The following TENM3 variants were observed in gnomAD, a reference collection of about 807,000 sequenced individuals.
TENM3 encodes the protein teneurin transmembrane protein 3.
Under a neutral mutation model 255.1 loss-of-function variants are expected in TENM3, and 63 were observed. That is an observed-to-expected ratio of 0.25 (90% CI 0.20 to 0.30). The LOEUF (loss-of-function observed/expected upper bound fraction) is 0.30. Among genes scored for constraint, TENM3 ranks in the 10% least tolerant of loss-of-function variants. The pLI is 1.00. For missense variants in TENM3, 2,929 were observed against 3,461.1 expected, an observed-to-expected ratio of 0.85 and a Z score of 3.86; for synonymous variants, 1,306 against 1,322.3, an observed-to-expected ratio of 0.99 and a Z score of 0.27.
intron 3 of TENM3, among the ~76,000 whole-genome samples, chr4:182,453,082 A>C (rs1304256612): frequency 3.9e-5 from 6 of 152,090 alleles, no homozygotes; most frequent in Admixed American, 2.6e-4. Context: ...TGGTATTTTC[A>C]TATTTAAGAA....
chr4:181,668,720 G>A, the TENM3 span, among the ~76,000 whole-genome samples: 1 of 152,068 alleles, frequency 6.6e-6, no homozygotes, highest in Non-Finnish European at 1.5e-5. Flanking sequence ...CTAAGGTGCT[G>A]GGGGTTAGAA....
chr4:182,518,759 A>C (rs1285022150), intron 3 of TENM3, among the ~76,000 whole-genome samples: 2 of 152,254 alleles, frequency 1.3e-5, no homozygotes, highest in African/African-American at 2.4e-5. Context: ...TGACCCCTGC[A>C]AACTGTAAGA....
intron 3 of TENM3, among the ~76,000 whole-genome samples, chr4:182,458,504 T>C (rs1278637360): frequency 6.6e-6 from 1 of 152,196 alleles, no homozygotes. Context: ...CGCTGGACTT[T>C]TCTGGATTGC....
the TENM3 span, among the ~76,000 whole-genome samples, chr4:181,858,850 G>T: frequency 1.3e-5 from 2 of 152,132 alleles, no homozygotes; most frequent in Admixed American, 6.5e-5. Flanking sequence ...TTGTACAGGG[G>T]GCTTAATGCC....
the TENM3 span, among the ~76,000 whole-genome samples, chr4:181,756,823 C>T: frequency 6.6e-6 from 1 of 152,200 alleles, no homozygotes; most frequent in Non-Finnish European, 1.5e-5. Context: ...CTGCCTAGCT[C>T]CTTCTGTGCC....
At chr4:181,924,197 A>G in the TENM3 span, among the ~76,000 whole-genome samples, 2 of 152,150 alleles carry the variant, frequency 1.3e-5, no homozygotes, top group East Asian at 3.9e-4. Flanking sequence ...TTACCTGGCT[A>G]CAGGCAAACC....
chr4:181,547,695 A>C, the TENM3 span, among the ~76,000 whole-genome samples: 13 of 152,196 alleles, frequency 8.5e-5, no homozygotes, highest in African/African-American at 2.9e-4. Context: ...AGAAAATGAA[A>C]CAATGCCTTA....
chr4:182,144,633 G>T (rs1749773619), upstream of TENM3: 1 of 147,520 alleles, frequency 6.8e-6, no homozygotes, highest in Non-Finnish European at 1.5e-5. Context: ...CTCCCTCGGC[G>T]GGGCCCCCCT....
At chr4:182,586,344 C>T (rs1406040640) in intron 3 of TENM3, among the ~76,000 whole-genome samples, 1 of 152,176 alleles carries the variant, frequency 6.6e-6, no homozygotes, top group African/African-American at 2.4e-5. Context: ...TTGCCATTCA[C>T]GGGGCATTGT....
the TENM3 span, among the ~76,000 whole-genome samples, chr4:182,076,837 A>T: frequency 6.6e-6 from 1 of 152,204 alleles, no homozygotes; most frequent in Non-Finnish European, 1.5e-5. Context: ...GCACATAGGC[A>T]CGGCCATGTT....
chr4:182,772,501 T>C (rs1764326800), intron 22 of TENM3: 1 of 152,094 alleles, frequency 6.6e-6, no homozygotes, highest in East Asian at 1.9e-4. Context: ...ATCCACCCTT[T>C]AGTATATTGT....
chr4:181,787,906 CG>C, the TENM3 span, among the ~76,000 whole-genome samples: 1 of 152,048 alleles, frequency 6.6e-6, no homozygotes, highest in Non-Finnish European at 1.5e-5. Context: ...GAGACTGAGG[CG>C]GAACTTGAGC....
At chr4:182,603,765 T>TTTTATATATATATATATATATATA (rs778280837) in intron 4 of TENM3, among the ~76,000 whole-genome samples, 8 of 95,574 alleles carry the variant, frequency 8.4e-5, no homozygotes, top group Admixed American at 2.9e-4. Flanking sequence ...TGGCAATTAT[T>TTTTATATATATATATATATATATA]TATATATATA....
the TENM3 span, among the ~76,000 whole-genome samples, chr4:182,034,012 G>A: frequency 6.6e-6 from 1 of 152,172 alleles, no homozygotes; most frequent in African/African-American, 2.4e-5. Flanking sequence ...TTAAAGGAAA[G>A]AGGTCAAATG....
the TENM3 span, among the ~76,000 whole-genome samples, chr4:181,501,666 A>C: frequency 0.016 from 2,464 of 152,232 alleles, 70 homozygotes; most frequent in African/African-American, 0.056. Context: ...GCGTGAGCCA[A>C]CACGCCCAGC....
intron 11 of TENM3, among the ~76,000 whole-genome samples, chr4:182,682,552 T>G: frequency 6.6e-6 from 1 of 152,224 alleles, no homozygotes. Flanking sequence ...TATTGAGCAC[T>G]TACTATGTGC....
intron 3 of TENM3, among the ~76,000 whole-genome samples, chr4:182,408,557 G>A (rs1769745910): frequency 6.6e-6 from 1 of 152,282 alleles, no homozygotes; most frequent in African/African-American, 2.4e-5. Context: ...GCATGGTAAA[G>A]GTGGGATTGC....
chr4:182,263,856 G>C (rs1359245794), intron 1 of TENM3, among the ~76,000 whole-genome samples: 1 of 152,168 alleles, frequency 6.6e-6, no homozygotes, highest in Admixed American at 6.5e-5. Context: ...TTTAAGCTTT[G>C]CCAATTTGAT....
the TENM3 span, among the ~76,000 whole-genome samples, chr4:181,927,751 G>A: frequency 1.2e-4 from 18 of 152,316 alleles, no homozygotes; most frequent in Admixed American, 2.6e-4. Flanking sequence ...AGCACGGGTC[G>A]ACAGACACCT....
Sources: gnomAD v4.1 joint callset for allele counts (sites outside exome capture counted in the v4.1 genomes callset) on GRCh38, gnomAD v4.1.1 for gene constraint, MANE v1.5 for transcripts, NCBI Gene and HGNC (gene_info 2026-07-23, HGNC 2026-07-21) for gene names.